The following NAV3 variants were observed in gnomAD, a reference collection of about 807,000 sequenced individuals.
NAV3 encodes pore membrane and/or filament interacting like protein 1.
In NAV3, 87 loss-of-function variants were observed where a neutral mutation model predicts 244.7. The observed-to-expected ratio is 0.36, with a 90% CI of 0.30 to 0.42. The LOEUF is 0.42. Ranked by LOEUF, NAV3 falls within the 20% of genes least tolerant of loss-of-function variation. NAV3 has a pLI of 1.00. For synonymous variants in NAV3, 1,126 were observed against 1,042.2 expected, an observed-to-expected ratio of 1.08 and a Z score of -1.55; for missense variants, 2,663 against 2,893.3, an observed-to-expected ratio of 0.92 and a Z score of 1.83.
chr12:77,665,160 C>T (rs539138323), intron 2 of NAV3, among the ~76,000 whole-genome samples: 2 of 152,244 alleles, frequency 1.3e-5, no homozygotes, highest in East Asian at 3.9e-4. Context: ...TTATAAACCC[C>T]TGGAACTTTT....
At chr12:77,869,307 G>A (rs1485347159) in intron 1 of NAV3, among the ~76,000 whole-genome samples, 1 of 151,898 alleles carries the variant, frequency 6.6e-6, no homozygotes, top group African/African-American at 2.4e-5. Context: ...ATTCTATTGG[G>A]GGCAAGGTTT....
intron 2 of NAV3, among the ~76,000 whole-genome samples, chr12:77,609,149 G>A (rs1227807089): frequency 6.6e-6 from 1 of 152,002 alleles, no homozygotes; most frequent in Admixed American, 6.6e-5. Flanking sequence ...GTTTCACACA[G>A]ATGATTTGTG....
intron 3 of NAV3, among the ~76,000 whole-genome samples, chr12:77,948,085 C>T (rs1409303471): frequency 6.6e-6 from 1 of 151,836 alleles, no homozygotes; most frequent in African/African-American, 2.4e-5. Flanking sequence ...AAAAAAATGC[C>T]AAAGATGATG....
intron 2 of NAV3, among the ~76,000 whole-genome samples, chr12:77,595,232 AAAAG>A (rs1293161322): frequency 1.3e-5 from 2 of 152,188 alleles, no homozygotes; most frequent in African/African-American, 4.8e-5. Context: ...GCTTTAAAAA[AAAAG>A]AAAGAAGATT....
intron 12 of NAV3, among the ~76,000 whole-genome samples, chr12:78,110,538 A>G (rs1210652448): frequency 6.6e-6 from 1 of 152,046 alleles, no homozygotes; most frequent in Non-Finnish European, 1.5e-5. Context: ...CTATGCATGT[A>G]ACAAAATTGA....
intron 12 of NAV3, among the ~76,000 whole-genome samples, chr12:78,074,612 G>A (rs1008112270): frequency 6.6e-6 from 1 of 152,150 alleles, no homozygotes; most frequent in Admixed American, 6.5e-5. Flanking sequence ...GCTGGGGCAG[G>A]AGAATCACTT....
At chr12:78,184,576 G>A (rs1384347563) in intron 30 of NAV3, among the ~76,000 whole-genome samples, 1 of 151,788 alleles carries the variant, frequency 6.6e-6, no homozygotes, top group Non-Finnish European at 1.5e-5. Context: ...TATGATCTTA[G>A]AGTATTTTTA....
chr12:78,183,458 G>A (rs1341494380), intron 30 of NAV3, among the ~76,000 whole-genome samples: 2 of 151,904 alleles, frequency 1.3e-5, no homozygotes, highest in East Asian at 3.9e-4. Flanking sequence ...TTTTATAGCT[G>A]AGGAAGCCAA....
chr12:77,750,083 G>T (rs962421112), intron 2 of NAV3, among the ~76,000 whole-genome samples: 1 of 152,240 alleles, frequency 6.6e-6, no homozygotes, highest in African/African-American at 2.4e-5. Context: ...GCTAGGTGCG[G>T]TGGCTTACGC....
intron 12 of NAV3, among the ~76,000 whole-genome samples, chr12:78,114,559 C>T (rs1955273140): frequency 6.6e-6 from 1 of 152,050 alleles, no homozygotes; most frequent in Non-Finnish European, 1.5e-5. Context: ...CTTATAAAGT[C>T]ATCAGATCTC....
intron 2 of NAV3, among the ~76,000 whole-genome samples, chr12:77,617,320 G>T (rs957744535): frequency 5.3e-5 from 8 of 152,150 alleles, no homozygotes; most frequent in African/African-American, 1.9e-4. Context: ...CAGCTGACTT[G>T]TGTAATGAAT....
chr12:77,685,724 A>G (rs1874709407), intron 2 of NAV3, among the ~76,000 whole-genome samples: 1 of 152,196 alleles, frequency 6.6e-6, no homozygotes, highest in South Asian at 2.1e-4. Flanking sequence ...CTCATTAAAA[A>G]TAATTAGTTT....
chr12:77,637,218 A>G (rs891961879), intron 2 of NAV3, among the ~76,000 whole-genome samples: 6 of 150,750 alleles, frequency 4.0e-5, no homozygotes, highest in Non-Finnish European at 8.9e-5. Context: ...CAAAAAAAAA[A>G]TGACCATAGC....
intron 2 of NAV3, among the ~76,000 whole-genome samples, chr12:77,805,314 A>C (rs566819323): frequency 6.6e-6 from 1 of 152,322 alleles, no homozygotes; most frequent in Admixed American, 6.5e-5. Context: ...TGTCATAAAC[A>C]GCTTTTATTA....
intron 4 of NAV3, among the ~76,000 whole-genome samples, chr12:77,968,029 A>G (rs1892666307): frequency 6.6e-6 from 1 of 152,176 alleles, no homozygotes; most frequent in Non-Finnish European, 1.5e-5. Flanking sequence ...AAGAAAGTTG[A>G]TTGCAACAAA....
intron 12 of NAV3, among the ~76,000 whole-genome samples, chr12:78,060,921 G>A (rs2137443485): frequency 6.6e-6 from 1 of 152,268 alleles, no homozygotes; most frequent in Non-Finnish European, 1.5e-5. Context: ...ACTTTGGTTT[G>A]GGGACAGTGG....
intron 36 of NAV3, 28 bp downstream of exon 36, chr12:78,198,704 T>A (rs1340898107): frequency 2.2e-6 from 3 of 1,387,836 alleles, no homozygotes; most frequent in Non-Finnish European, 3.0e-6. Context: ...GTTTTTTTGT[T>A]TTGTTTTTTT....
chr12:77,572,081 A>G (rs1868852641), exon 2 of NAV3: 1 of 154,410 alleles, frequency 6.5e-6, no homozygotes, highest in African/African-American at 2.4e-5. Context: ...TGAAGTTCGG[A>G]AACGGTGTGT....
chr12:77,669,261 C>T (rs544568332), intron 2 of NAV3, among the ~76,000 whole-genome samples: 21 of 152,076 alleles, frequency 1.4e-4, no homozygotes, highest in Admixed American at 3.9e-4. Context: ...AAGCATAAAT[C>T]TCACAGGGCC....
Sources: gnomAD v4.1 joint callset for allele counts (sites outside exome capture counted in the v4.1 genomes callset) on GRCh38, gnomAD v4.1.1 for gene constraint, MANE v1.5 for transcripts, NCBI Gene and HGNC (gene_info 2026-07-23, HGNC 2026-07-21) for gene names.